The following RFC3 variants were observed in gnomAD, a reference collection of about 807,000 sequenced individuals.
RFC3 encodes A1 38 kDa subunit.
A neutral mutation model predicts 45.1 loss-of-function variants in RFC3; 41 were observed. The observed-to-expected ratio is 0.91, with a 90% CI of 0.71 to 1.18. RFC3 has a LOEUF of 1.18. Among genes scored for constraint, RFC3 ranks in the 50% most tolerant of loss-of-function variants. The pLI is 0.00. For synonymous variants in RFC3, 149 were observed against 144.0 expected (o/e 1.03, Z -0.25); for missense variants, 423 against 428.1 (o/e 0.99, Z 0.10).
At chr13:33,828,620 G>C (rs1444076586) in intron 4 of RFC3, among the ~76,000 whole-genome samples, 1 of 152,184 alleles carries the variant, frequency 6.6e-6, no homozygotes, top group African/African-American at 2.4e-5. Flanking sequence ...CTGCAGCCTT[G>C]ACCTCCTGGG....
At chr13:33,909,941 A>T (rs2082694255) in intron 8 of RFC3, among the ~76,000 whole-genome samples, 1 of 152,144 alleles carries the variant, frequency 6.6e-6, no homozygotes, top group African/African-American at 2.4e-5. Context: ...AAGGTCTATC[A>T]TAAAAAGGTA....
Position 33,963,396 on chromosome 13 carries a change from A to G in RFC3, c.880-2691A>G, listed in dbSNP as rs533597248. Among the ~76,000 whole-genome samples the G allele has an allele frequency of 5.3e-5, 8 of 152,354 alleles. No homozygotes were observed. In the South Asian group the frequency reaches 1.4e-3, roughly 28 times the overall value. On this transcript the variant is annotated intron_variant, in intron 8 of 8. Transcript: ENST00000434425. ...TACTTAAGCAAAACCTTAATTCAGA[A>G]AACAGGTCTGTAGGAACAGTTTGTG...
rs957256664 is a variant in RFC3 at position 33,852,844 on chromosome 13, C to T, written c.879+17627C>T. ...TGACTGCAACCTATGACTTATGCAA[C>T]TCGTGAGAAAATAAGACACAGTCCT... On this transcript the variant is annotated intron_variant, in intron 8 of 8. Coordinates refer to the RFC3 transcript ENST00000434425. Among the ~76,000 whole-genome samples the T allele has an allele frequency of 3.3e-5, 5 of 152,144 alleles. No individual in the cohort carries two copies. In the South Asian group the frequency reaches 1.0e-3, roughly 31 times the overall value.
chr13:33,912,935 CATAG>C (rs1319216060), intron 8 of RFC3, among the ~76,000 whole-genome samples: 1 of 151,936 alleles, frequency 6.6e-6, no homozygotes, highest in Non-Finnish European at 1.5e-5. Context: ...AGAGAGAAAT[CATAG>C]ATAAATTGCA....
chr13:33,843,881 A>ATGC (rs1352597574), intron 8 of RFC3, among the ~76,000 whole-genome samples: 1 of 152,198 alleles, frequency 6.6e-6, no homozygotes, highest in Non-Finnish European at 1.5e-5. Context: ...CCAAATCCAT[A>ATGC]TGCAGCCTAT....
chr13:33,846,425 C>G (rs948712828), intron 8 of RFC3: 1 of 152,250 alleles, frequency 6.6e-6, no homozygotes, highest in Non-Finnish European at 1.5e-5. Flanking sequence ...TGGAATGAGG[C>G]CCTCAGGACT....
intron 8 of RFC3, among the ~76,000 whole-genome samples, chr13:33,864,129 G>A (rs777888283): frequency 2.6e-5 from 4 of 152,040 alleles, no homozygotes; most frequent in African/African-American, 7.2e-5. Flanking sequence ...GTGAGAGAAC[G>A]AGGGAGGAGG....
chr13:33,868,422 A>G (rs1460614838), intron 8 of RFC3, among the ~76,000 whole-genome samples: 2 of 74,542 alleles, frequency 2.7e-5, no homozygotes, highest in Non-Finnish European at 9.3e-5. Flanking sequence ...TTACAAAGGG[A>G]TAAGAGGCTA....
At chr13:33,872,153 G>A (rs974414289) in intron 8 of RFC3, among the ~76,000 whole-genome samples, 1 of 152,162 alleles carries the variant, frequency 6.6e-6, no homozygotes, top group African/African-American at 2.4e-5. Flanking sequence ...AGGGCAGAGT[G>A]TGTGGTAATG....
At chr13:33,883,368 G>A (rs532435079) in intron 8 of RFC3, among the ~76,000 whole-genome samples, 8 of 152,272 alleles carry the variant, frequency 5.3e-5, no homozygotes, top group African/African-American at 1.7e-4. Flanking sequence ...CTGAAATAAT[G>A]AAATATTTCT....
At chr13:33,890,722 T>C (rs1215540885) in intron 8 of RFC3, among the ~76,000 whole-genome samples, 2 of 152,178 alleles carry the variant, frequency 1.3e-5, no homozygotes, top group African/African-American at 4.8e-5. Context: ...TTATTGATGA[T>C]GAAACTGAGA....
downstream of RFC3, among the ~76,000 whole-genome samples, chr13:33,838,905 A>C (rs570070185): frequency 6.6e-6 from 1 of 150,664 alleles, no homozygotes; most frequent in Non-Finnish European, 1.5e-5. Context: ...TCTTTTTTTT[A>C]TTTCATGGAT....
At chr13:33,888,431 G>A (rs952555777) in intron 8 of RFC3, among the ~76,000 whole-genome samples, 1 of 152,092 alleles carries the variant, frequency 6.6e-6, no homozygotes, top group Admixed American at 6.6e-5. Flanking sequence ...TTGTTATAAA[G>A]ATTGTAATTT....
chr13:33,832,586 A>G (rs1054570813), intron 7 of RFC3, among the ~76,000 whole-genome samples: 1 of 152,190 alleles, frequency 6.6e-6, no homozygotes, highest in Admixed American at 6.5e-5. Flanking sequence ...AGTTGAAGAA[A>G]TCGATAGTTT....
chr13:33,823,796 C>T (rs2082024722), intron 2 of RFC3, 121 bp from the exon 3 acceptor site: 1 of 531,474 alleles, frequency 1.9e-6, no homozygotes, highest in Admixed American at 3.8e-5. Flanking sequence ...AAAGTTAAAA[C>T]ATGAATGGTG....
the RFC3 span, among the ~76,000 whole-genome samples, chr13:33,973,452 A>T: frequency 6.6e-6 from 1 of 152,132 alleles, no homozygotes. Flanking sequence ...TTTTGCAGCC[A>T]CATCTGGAAA....
chr13:33,949,603 CAGT>C (rs1231525774), intron 8 of RFC3, among the ~76,000 whole-genome samples: 1 of 152,106 alleles, frequency 6.6e-6, no homozygotes, highest in African/African-American at 2.4e-5. Context: ...CTGTGGTGTG[CAGT>C]AGAAGTCCTT....
chr13:33,922,792 A>G (rs941918038), intron 8 of RFC3, among the ~76,000 whole-genome samples: 1 of 152,168 alleles, frequency 6.6e-6, no homozygotes, highest in African/African-American at 2.4e-5. Flanking sequence ...AACCCAATTC[A>G]GCCAGTTATA....
chr13:33,945,834 T>A (rs959506824), intron 8 of RFC3, among the ~76,000 whole-genome samples: 5 of 152,242 alleles, frequency 3.3e-5, no homozygotes, highest in Admixed American at 2.0e-4. Context: ...TTCTTCCTAC[T>A]ACCTGCAAAC....
Sources: allele counts gnomAD v4.1 joint callset (sites outside exome capture counted in the v4.1 genomes callset), GRCh38; gene constraint gnomAD v4.1.1; transcripts MANE v1.5; gene names NCBI Gene and HGNC (gene_info 2026-07-23, HGNC 2026-07-21).